The following STAR variants were observed in gnomAD, a reference collection of about 807,000 sequenced individuals.
STAR encodes steroidogenic acute regulatory protein, mitochondrial.
In STAR, 32 loss-of-function variants were observed where a neutral mutation model predicts 32.3. The ratio of observed to expected loss-of-function variants is 0.99; its 90% CI spans 0.75 to 1.33. STAR has a LOEUF of 1.33. Among genes scored for constraint, STAR ranks in the 40% most tolerant of loss-of-function variants. The pLI, the probability that STAR is intolerant of heterozygous loss-of-function variation, is 0.00. For synonymous variants in STAR, 134 were observed against 140.5 expected (o/e 0.95, Z 0.33); for missense variants, 375 against 379.0 (o/e 0.99, Z 0.09).
rs773156052 is a variant in STAR, at chr8:38,150,842, G to C, written c.-24C>G. 6.2e-7 allele frequency: 1 copy of C among 1,603,226 alleles called. No individual in the cohort carries two copies. The highest frequency in any genetic ancestry group is 8.5e-7 in the Non-Finnish European group (1 of 1,179,962). ...ATTGTTTCCTGGCAAATGTGGCAGT[G>C]GTGGGGTCGCTGCCGCTGCTGCTGC... On this transcript the variant is annotated 5_prime_UTR_variant, in exon 1 of 7. Coordinates refer to ENST00000276449, the MANE Select transcript of STAR (RefSeq NM_000349.3).
rs1004716306 is a variant in STAR, at chr8:38,143,352, G to A, written c.*921C>T. Among the ~76,000 whole-genome samples the A allele has an allele frequency of 5.0e-5, 7 of 140,774 alleles. No individual in the cohort carries two copies. Among genetic ancestry groups the A allele is most frequent in the Admixed American group, 7.9e-5 (1 of 12,666 alleles). The allele number at this position is 140,774 out of a possible 152,430, so 92.4% of individuals were successfully genotyped here. Reference sequence around the variant, plus strand: ...GATGGAGTCTCACTCTGTCGCCCACGCTGGAGCGCAGTGGCACAATCTCGG... The same window carrying A: ...GATGGAGTCTCACTCTGTCGCCCACACTGGAGCGCAGTGGCACAATCTCGG... On this transcript the variant is annotated 3_prime_UTR_variant, in exon 7 of 7. Transcript: ENST00000276449.
rs529036391 is a variant in STAR at position 38,148,661 on chromosome 8, C to G, written c.158G>C (p.Arg53Pro). Residue 53 changes from arginine (R) to proline (P), a missense_variant, in exon 2 of 7, where the codon CGG becomes CCG. Physicochemically the swap from Arg to Pro is moderately radical, Grantham distance 103 (BLOSUM62 -2). Transcript: ENST00000276449. ...PTPSTWINQV[R>P]RRSSLLGSRL... The stretch of plus-strand genomic sequence containing the variant: ...CTTACCGAGTAGAGAGCTCCGCCGC[C>G]GAACCTGGTTAATCCACGTGCTAGG... The G allele has an allele frequency of 1.4e-5, 22 of 1,614,034 alleles. No individual in the cohort carries two copies. The highest frequency in any genetic ancestry group is 2.7e-5 in the African/African-American group (2 of 74,952).
chr8:38,150,883 C>T lies in STAR; in HGVS notation c.-65G>A. 1.9e-6 allele frequency: 3 copies of T among 1,600,366 alleles called. No homozygotes were observed. Among genetic ancestry groups the T allele is most frequent in the Non-Finnish European group, 1.7e-6 (2 of 1,179,888 alleles). ...CTGCTGCTGCCGCCGCTGCTGCTGC[C>T]TCTTCTCTCAAGGGTGGTTCTTCGT... is the stretch of plus-strand genomic sequence containing the variant. On this transcript the variant is annotated 5_prime_UTR_variant, in exon 1 of 7. Transcript: ENST00000276449.
intron 3 of STAR, among the ~76,000 whole-genome samples, chr8:38,147,112 C>G (rs1389881139): frequency 6.6e-6 from 1 of 151,992 alleles, no homozygotes; most frequent in East Asian, 1.9e-4. Flanking sequence ...CTCGGCCTCC[C>G]AAGTAGCTGA....
chr8:38,146,431 A>G lies in STAR; in HGVS notation c.323T>C (p.Val108Ala), dbSNP rs1050199554. The stretch of plus-strand genomic sequence containing the variant: ...CACATCTGGGACCACTTTACTCATC[A>G]CTTTGTCCCCATTGTCCTGTCAGAG... ...KESQQDNGDKVMSKVVPDVGK... is the reference protein window; with the variant it reads ...KESQQDNGDKAMSKVVPDVGK... Residue 108 changes from valine to alanine, a missense_variant, in exon 4 of 7, where the codon GTG becomes GCG. Coordinates refer to ENST00000276449, the MANE Select transcript of STAR (RefSeq NM_000349.3). The G allele has an allele frequency of 2.5e-6, 4 of 1,613,886 alleles. No homozygotes were observed. Among genetic ancestry groups the G allele is most frequent in the Non-Finnish European group, 3.4e-6 (4 of 1,180,022 alleles).
Position 38,150,771 on chromosome 8 carries a change from G to A in STAR, c.48C>T (p.His16=). The A allele has an allele frequency of 6.2e-7, 1 of 1,607,316 alleles. No individual in the cohort carries two copies. Among genetic ancestry groups the A allele is most frequent in the Non-Finnish European group, 8.5e-7 (1 of 1,179,994 alleles). ...AGCGCTCACCCTTCATGTTGCGCAT[G>A]TGTCTGTAGGAGCTCCCAGCGCACA... ...FKLCAGSSYR[H]MRNMKGLRQQ... Residue 16 remains histidine (H), a synonymous_variant, in exon 1 of 7, where the codon CAC becomes CAT. Coordinates refer to ENST00000276449, the MANE Select transcript of STAR (RefSeq NM_000349.3).
In STAR at chr8:38,148,692, G is replaced by A; in HGVS notation, c.127C>T (p.Pro43Ser). ...QELNRRALGG[P>S]TPSTWINQVR... ...TGGTTAATCCACGTGCTAGGGGTGG[G>A]GCCCCCCAGGGCCCTCCGGTTCAGC... Residue 43 changes from proline (P) to serine (S), a missense_variant, in exon 2 of 7, where the codon CCC becomes TCC. Pro to Ser is a moderately conservative substitution (Grantham distance 74). Transcript: ENST00000276449. The A allele has an allele frequency of 6.2e-7, 1 of 1,614,084 alleles. No individual in the cohort carries two copies. Among genetic ancestry groups the A allele is most frequent in the South Asian group, 1.1e-5 (1 of 91,090 alleles).
chr8:38,145,182 C>T (rs1802545003), intron 6 of STAR, 40 bp downstream of exon 6: 1 of 1,613,638 alleles, frequency 6.2e-7, no homozygotes, highest in Admixed American at 1.7e-5. Flanking sequence ...GTTTTTCTCA[C>T]TACCACCTGC....
At position 38,144,008 on chromosome 8, in the gene STAR, T is replaced by C; in HGVS notation, c.*265A>G. 1 of 419,004 alleles carries C rather than the reference T, an allele frequency of 2.4e-6. No homozygotes were observed. The highest frequency in any genetic ancestry group is 2.1e-5 in the South Asian group (1 of 47,898). 26.0% of individuals were successfully genotyped at this position (419,004 alleles called of 1,614,324 possible). A position where few individuals can be genotyped will look rare whatever the true frequency, so the allele number is the denominator to read the frequency against. On this transcript the variant is annotated 3_prime_UTR_variant, in exon 7 of 7. Coordinates refer to ENST00000276449, the MANE Select transcript of STAR (RefSeq NM_000349.3). Reference sequence around the variant, plus strand: ...TACATAAGGGCCCAGAAAAAAAGTTTTACAATTATTTTAGGGGCCTGAACC... The same window carrying C: ...TACATAAGGGCCCAGAAAAAAAGTTCTACAATTATTTTAGGGGCCTGAACC...
intron 3 of STAR, among the ~76,000 whole-genome samples, chr8:38,146,904 C>T (rs553026560): frequency 2.6e-5 from 4 of 151,798 alleles, no homozygotes; most frequent in South Asian, 2.1e-4. Context: ...AAGATAGAGT[C>T]GGTAATCATT....
At position 38,142,749 on chromosome 8, in the gene STAR, T is replaced by C. The variant is rs3990403; in HGVS notation, c.*1524A>G. Among the ~76,000 whole-genome samples, 106,883 of 151,702 alleles carry C rather than the reference T, an allele frequency of 0.7. 39,865 individuals are homozygous for C. Among genetic ancestry groups the C allele is most frequent in the Middle Eastern group, 0.88 (257 of 292 alleles). On this transcript the variant is annotated 3_prime_UTR_variant, in exon 7 of 7. Coordinates refer to ENST00000276449, the MANE Select transcript of STAR (RefSeq NM_000349.3). ...CTCCATGTTAGTCAGGCTGGTCTCC[T>C]GCCCTCAGGTGATTGCCTGCCTTGG...
rs577899324 is a variant in STAR, at chr8:38,150,922, C to T, written c.-104G>A. 3.8e-6 allele frequency: 6 copies of T among 1,597,018 alleles called. No homozygotes were observed. The highest frequency in any genetic ancestry group is 5.1e-6 in the Non-Finnish European group (6 of 1,178,968). ...GTGGTTCTTCGTCCTTCCTGAGCCC[C>T]TCAAGCTTCGCCTCTGAGTCCCGCA... is the stretch of plus-strand genomic sequence containing the variant. On this transcript the variant is annotated 5_prime_UTR_variant, in exon 1 of 7. Transcript: ENST00000276449.
At position 38,143,197 on chromosome 8, in the gene STAR, A is replaced by G. The variant is rs1802496857; in HGVS notation, c.*1076T>C. On this transcript the variant is annotated 3_prime_UTR_variant, in exon 7 of 7. Transcript: ENST00000276449. ...AACAGAGTCTAAATTATTGAATTGC[A>G]TAATTTCCCAGTAGTTCCTTTCCTT... is the stretch of plus-strand genomic sequence containing the variant. 6.6e-6 allele frequency among the ~76,000 whole-genome samples: 1 copy of G among 152,232 alleles called. No homozygotes were observed. Among genetic ancestry groups the G allele is most frequent in the East Asian group, 1.9e-4 (1 of 5,204 alleles).
chr8:38,144,422 G>A lies in STAR; in HGVS notation c.745-36C>T, dbSNP rs1242228900. 5 of 1,558,312 alleles carry A rather than the reference G, an allele frequency of 3.2e-6. No individual in the cohort carries two copies. The Admixed American group carries it at 5.8e-5, about 18-fold the overall frequency. On this transcript the variant is annotated intron_variant, in intron 6 of 6. Coordinates refer to ENST00000276449, the MANE Select transcript of STAR (RefSeq NM_000349.3). ...AGGTAGGAGAATTTGGCCATCTTGT[G>A]GGTTTTGGCCCACTCTTGACACTGC...
In STAR at chr8:38,144,268, G is replaced by A. The variant is rs374629079; in HGVS notation, c.*5C>T. The A allele has an allele frequency of 1.9e-5, 31 of 1,605,512 alleles. No homozygotes were observed. Among genetic ancestry groups the A allele is most frequent in the Non-Finnish European group, 2.6e-5 (31 of 1,176,298 alleles). On this transcript the variant is annotated 3_prime_UTR_variant, in exon 7 of 7. Transcript: ENST00000276449. ...TGGGCACAGTTGGGAACAGCAGGCTGGTCTTCAACACCTGGCTTCAGAGGC... is the reference window on the plus strand; with the variant it reads ...TGGGCACAGTTGGGAACAGCAGGCTAGTCTTCAACACCTGGCTTCAGAGGC...
intron 3 of STAR, 151 bp downstream of exon 3, chr8:38,148,049 T>G: frequency 1.0e-6 from 1 of 988,612 alleles, no homozygotes; most frequent in African/African-American, 1.6e-5. Context: ...TGAGGATATA[T>G]TCTCGAGAAA....
At chr8:38,146,728 T>C (rs1247687268) in intron 3 of STAR, among the ~76,000 whole-genome samples, 1 of 151,260 alleles carries the variant, frequency 6.6e-6, no homozygotes, top group Non-Finnish European at 1.5e-5. Context: ...TGAGTGGAGA[T>C]TGCACCACTG....
chr8:38,148,691 G>T lies in STAR; in HGVS notation c.128C>A (p.Pro43His). Residue 43 changes from proline to histidine, a missense_variant, in exon 2 of 7, where the codon CCC becomes CAC. Pro to His is a moderately conservative substitution (Grantham distance 77). Transcript: ENST00000276449. Reference sequence around the variant, plus strand: ...CTGGTTAATCCACGTGCTAGGGGTGGGGCCCCCCAGGGCCCTCCGGTTCAG... The same window carrying T: ...CTGGTTAATCCACGTGCTAGGGGTGTGGCCCCCCAGGGCCCTCCGGTTCAG... ...QELNRRALGGPTPSTWINQVR... is the reference protein window; with the variant it reads ...QELNRRALGGHTPSTWINQVR... The T allele has an allele frequency of 6.2e-7, 1 of 1,614,094 alleles. No homozygotes were observed. The highest frequency in any genetic ancestry group is 8.5e-7 in the Non-Finnish European group (1 of 1,180,044).
intron 5 of STAR, 44 bp downstream of exon 5, chr8:38,145,919 C>T (rs1469917689): frequency 6.2e-7 from 1 of 1,611,474 alleles, no homozygotes. Flanking sequence ...CACCTGCAGG[C>T]CTGTGTTAGA....
Sources: gnomAD v4.1 joint callset for allele counts (sites outside exome capture counted in the v4.1 genomes callset) on GRCh38, gnomAD v4.1.1 for gene constraint, MANE v1.5 for transcripts, NCBI Gene and HGNC (gene_info 2026-07-23, HGNC 2026-07-21) for gene names.